ZKSCAN2: variants seen among roughly 807,000 people sequenced by gnomAD.
The protein encoded by ZKSCAN2 is zinc finger with KRAB and SCAN domains 2, also known as zinc finger protein with KRAB and SCAN domains 2.
ZKSCAN2 carries 38 observed loss-of-function variants against 90.5 expected under a neutral mutation model. The observed-to-expected ratio is 0.42, with a 90% CI of 0.32 to 0.55. The LOEUF (loss-of-function observed/expected upper bound fraction) is 0.55. Among genes scored for constraint, ZKSCAN2 ranks in the 20% least tolerant of loss-of-function variants. The pLI is 0.11. For missense variants in ZKSCAN2, 1,167 were observed against 1,202.6 expected (o/e 0.97, Z 0.44); for synonymous variants, 429 against 421.6 (o/e 1.02, Z -0.22).
chr16:25,250,147 A>G (rs1011357853), intron 4 of ZKSCAN2, among the ~76,000 whole-genome samples: 5 of 152,130 alleles, frequency 3.3e-5, no homozygotes, highest in African/African-American at 1.2e-4. Context: ...CGTCTCTACT[A>G]AAAATACAAA....
Position 25,240,396 on chromosome 16 carries a change from T to A in ZKSCAN2, c.2324A>T (p.Tyr775Phe). 6.2e-7 allele frequency: 1 copy of A among 1,614,234 alleles called. No individual in the cohort carries two copies. Among genetic ancestry groups the A allele is most frequent in the Non-Finnish European group, 8.5e-7 (1 of 1,180,040 alleles). Residue 775 changes from tyrosine to phenylalanine, a missense_variant, in exon 7 of 7, where the codon TAC becomes TTC. Physicochemically the swap from Tyr to Phe is conservative, Grantham distance 22. Coordinates refer to ENST00000328086, the MANE Select transcript of ZKSCAN2 (RefSeq NM_001012981.5). ...GCACTTCCCACAGACACCACACTTG[T>A]AAGGATTCTCCTTGTGGTGGGTCAT... is the stretch of plus-strand genomic sequence containing the variant. ...CRMTHHKENP[Y>F]KCGVCGKCFG...
intron 1 of ZKSCAN2, among the ~76,000 whole-genome samples, chr16:25,256,102 C>T (rs1281555796): frequency 6.6e-6 from 1 of 152,186 alleles, no homozygotes; most frequent in Non-Finnish European, 1.5e-5. Context: ...TAGATCTCTA[C>T]ACAATGCAAG....
At chr16:25,256,574 G>C (rs1172750731) in intron 1 of ZKSCAN2, among the ~76,000 whole-genome samples, 155 bp downstream of exon 1, 1 of 151,938 alleles carries the variant, frequency 6.6e-6, no homozygotes, top group Non-Finnish European at 1.5e-5. Context: ...CTTTTAAGTG[G>C]ATTCACTTAA....
chr16:25,240,220 C>T lies in ZKSCAN2; in HGVS notation c.2500G>A (p.Gly834Arg), dbSNP rs150882404. Residue 834 changes from glycine to arginine, a missense_variant, in exon 7 of 7, where the codon GGA (glycine) becomes AGA (arginine). Physicochemically the swap from Gly to Arg is moderately radical, Grantham distance 125. Coordinates refer to ENST00000328086, the MANE Select transcript of ZKSCAN2 (RefSeq NM_001012981.5). ...TGACTAAAGCATTTTCCACACTCTCCGCATCTGTAGGGTTTCTCTCCTGTG... is the reference window on the plus strand; with the variant it reads ...TGACTAAAGCATTTTCCACACTCTCTGCATCTGTAGGGTTTCTCTCCTGTG... ...IHTGEKPYRCGECGKCFSQSS... is the reference protein window; with the variant it reads ...IHTGEKPYRCRECGKCFSQSS... 4.8e-5 allele frequency: 78 copies of T among 1,614,142 alleles called. No individual in the cohort carries two copies. Among genetic ancestry groups the T allele is most frequent in the African/African-American group, 2.7e-4 (20 of 75,026 alleles).
rs1305930186 is a variant in ZKSCAN2, at chr16:25,253,024, G to A, written c.600C>T (p.Pro200=). The A allele has an allele frequency of 6.2e-7, 1 of 1,613,972 alleles. No homozygotes were observed. Among genetic ancestry groups the A allele is most frequent in the South Asian group, 1.1e-5 (1 of 91,084 alleles). The change falls in exon 3 of 7, where the codon CCC becomes CCT. Residue 200 remains proline (P), a synonymous_variant. Transcript: ENST00000328086. ...ATTCATCAGCAAGGGCAGGAACCCA[G>A]GGAGAAGGCCGAGCTGTAAGAATAG... ...RPLPKNARPS[P]WVPALADEWN... is the part of the protein sequence containing the mutation.
At chr16:25,250,567 T>A (rs544512709) in intron 4 of ZKSCAN2, among the ~76,000 whole-genome samples, 2 of 152,252 alleles carry the variant, frequency 1.3e-5, no homozygotes, top group African/African-American at 2.4e-5. Context: ...GTTAATAATA[T>A]TATAGTGTAT....
At chr16:25,250,669 G>GT (rs1475545072) in intron 4 of ZKSCAN2, among the ~76,000 whole-genome samples, 2 of 151,934 alleles carry the variant, frequency 1.3e-5, no homozygotes, top group East Asian at 3.9e-4. Context: ...CTCAAATGTG[G>GT]TAATTATTTT....
chr16:25,248,275 T>C (rs1263202745), intron 4 of ZKSCAN2, among the ~76,000 whole-genome samples: 3 of 67,826 alleles, frequency 4.4e-5, no homozygotes, highest in African/African-American at 1.8e-4. Flanking sequence ...ACAAAGCTTC[T>C]ATACAGCAAA....
chr16:25,240,789 T>A (rs1228166342), intron 6 of ZKSCAN2, 51 bp from the exon 7 acceptor site: 2 of 1,515,978 alleles, frequency 1.3e-6, no homozygotes, highest in Non-Finnish European at 9.0e-7. Flanking sequence ...ATATTAACCA[T>A]AAACAACCTG....
chr16:25,250,962 G>C lies in ZKSCAN2; in HGVS notation c.805+947C>G, dbSNP rs148368871. Among the ~76,000 whole-genome samples, 1,054 of 152,164 alleles carry C rather than the reference G, an allele frequency of 6.9e-3. 45 individuals carry two copies. Among genetic ancestry groups the C allele is most frequent in the Admixed American group, 0.062 (945 of 15,278 alleles). On this transcript the variant is annotated intron_variant, in intron 4 of 6. Transcript: ENST00000328086. ...GTACAGATGGGGTTTCACCATGTTG[G>C]TCATGCTGGTGTTGAACTCCTGACC...
intron 6 of ZKSCAN2, among the ~76,000 whole-genome samples, chr16:25,243,093 TC>T (rs1487043697): frequency 6.6e-6 from 1 of 152,240 alleles, no homozygotes; most frequent in Non-Finnish European, 1.5e-5. Flanking sequence ...TCTCTGCCTA[TC>T]TTTTTTGTCT....
rs1363648508 is a variant in ZKSCAN2 at position 25,236,192 on chromosome 16, C to T, written c.*3624G>A. 6.6e-6 allele frequency: 1 copy of T among 152,250 alleles called. No homozygotes were observed. The highest frequency in any genetic ancestry group is 1.5e-5 in the Non-Finnish European group (1 of 68,068). 9.4% of individuals were successfully genotyped at this position (152,250 alleles called of 1,614,324 possible). A position where few individuals can be genotyped will look rare whatever the true frequency, so the allele number is the denominator to read the frequency against. On this transcript the variant is annotated 3_prime_UTR_variant, in exon 7 of 7. Coordinates refer to ENST00000328086, the MANE Select transcript of ZKSCAN2 (RefSeq NM_001012981.5). ...TCAGACATTCCTTTAGCCAGGGCTG[C>T]CCCAGCTCCCTCACAGCTGTCTTGT...
Position 25,240,331 on chromosome 16 carries a change from G to C in ZKSCAN2, c.2389C>G (p.His797Asp). ...SRSLIRHQRI[H>D]TGEKPFKCLD... is the part of the protein sequence containing the mutation. ...CATTTAAAAGGTTTTTCGCCTGTGT[G>C]GATTCTTTGGTGTCTGATCAGGCTC... The change falls in exon 7 of 7, where the codon CAC (histidine) becomes GAC (aspartate). Residue 797 changes from histidine to aspartate, a missense_variant. By Grantham distance (81) the His-to-Asp change is moderately conservative. Coordinates refer to ENST00000328086, the MANE Select transcript of ZKSCAN2 (RefSeq NM_001012981.5). The C allele has an allele frequency of 6.2e-7, 1 of 1,613,802 alleles. No individual in the cohort carries two copies. Among genetic ancestry groups the C allele is most frequent in the Non-Finnish European group, 8.5e-7 (1 of 1,180,010 alleles).
intron 4 of ZKSCAN2, among the ~76,000 whole-genome samples, chr16:25,250,669 G>C (rs1169865110): frequency 6.6e-6 from 1 of 151,934 alleles, no homozygotes. Context: ...CTCAAATGTG[G>C]TAATTATTTT....
At position 25,257,296 on chromosome 16, in the gene ZKSCAN2, C is replaced by T. The variant is rs142386627; in HGVS notation, c.-169G>A. On this transcript the variant is annotated 5_prime_UTR_variant, in exon 1 of 7. Coordinates refer to ENST00000328086, the MANE Select transcript of ZKSCAN2 (RefSeq NM_001012981.5). ...GCTGATTAATCAAATCTATGCCAGG[C>T]CCTTGAAAAGGTGAACGTATACTCT... The T allele has an allele frequency of 3.9e-3, 5,574 of 1,430,220 alleles. 12 individuals are homozygous for T. The highest frequency in any genetic ancestry group is 5.2e-3 in the Middle Eastern group (20 of 3,874). 88.6% of individuals were successfully genotyped at this position (1,430,220 alleles called of 1,614,324 possible).
chr16:25,239,904 C>T lies in ZKSCAN2; in HGVS notation c.2816G>A (p.Arg939Lys). The change falls in exon 7 of 7, where the codon AGA becomes AAA. Residue 939 changes from arginine to lysine, a missense_variant. Coordinates refer to ENST00000328086, the MANE Select transcript of ZKSCAN2 (RefSeq NM_001012981.5). Reference sequence around the variant, plus strand: ...TGGAGGGTGTGGCAGAGGCTTTTCTCTCACATGAACTTCCCGATGTTTGGT... The same window carrying T: ...TGGAGGGTGTGGCAGAGGCTTTTCTTTCACATGAACTTCCCGATGTTTGGT... ...VLTKHREVHV[R>K]EKPLPHPPSL... 6.2e-7 allele frequency: 1 copy of T among 1,614,176 alleles called. No individual in the cohort carries two copies.
chr16:25,244,841 T>C (rs1327145965), intron 5 of ZKSCAN2, among the ~76,000 whole-genome samples: 1 of 152,262 alleles, frequency 6.6e-6, no homozygotes, highest in East Asian at 1.9e-4. Context: ...AAATGATCTG[T>C]AAGACAAGAC....
chr16:25,238,541 G>A lies in ZKSCAN2; in HGVS notation c.*1275C>T, dbSNP rs1962801310. 1 of 152,190 alleles carries A rather than the reference G, an allele frequency of 6.6e-6. No individual in the cohort carries two copies. The allele number at this position is 152,190 out of a possible 1,614,324, so 9.4% of individuals were successfully genotyped here. A position where few individuals can be genotyped will look rare whatever the true frequency, so the allele number is the denominator to read the frequency against. On this transcript the variant is annotated 3_prime_UTR_variant, in exon 7 of 7. Transcript: ENST00000328086. Reference sequence around the variant, plus strand: ...CAAGTAAATGAGGAAAACAAAAACGGTGTTCTGGATTTCTGGATTGAAGTT... The same window carrying A: ...CAAGTAAATGAGGAAAACAAAAACGATGTTCTGGATTTCTGGATTGAAGTT...
rs1363503251 is a variant in ZKSCAN2, at chr16:25,244,132, C to T, written c.1634G>A (p.Arg545Gln). 7 of 1,614,114 alleles carry T rather than the reference C, an allele frequency of 4.3e-6. No individual in the cohort carries two copies. The highest frequency in any genetic ancestry group is 2.2e-5 in the East Asian group (1 of 44,884). ...CTTGGTTCGGCACTGTTCTGGTGTC[C>T]GGAGGAAGCCGCACTCTCGAAGCTG... ...AEQLRECGFL[R>Q]TPEQCRTKFK... The change falls in exon 6 of 7, where the codon CGG becomes CAG. Residue 545 changes from arginine (R) to glutamine (Q), a missense_variant. Coordinates refer to ENST00000328086, the MANE Select transcript of ZKSCAN2 (RefSeq NM_001012981.5).
Sources: gnomAD v4.1 joint callset for allele counts (sites outside exome capture counted in the v4.1 genomes callset) on GRCh38, gnomAD v4.1.1 for gene constraint, MANE v1.5 for transcripts, NCBI Gene and HGNC (gene_info 2026-07-23, HGNC 2026-07-21) for gene names.